Variants in CHEK1 observed in about 807,000 individuals in gnomAD.
CHEK1 encodes the protein checkpoint kinase 1.
In CHEK1, 32 loss-of-function variants were observed where a neutral mutation model predicts 60.2. The ratio of observed to expected loss-of-function variants is 0.53; its 90% confidence interval spans 0.40 to 0.71. The LOEUF (loss-of-function observed/expected upper bound fraction) is 0.71, where lower values mean the gene tolerates loss of function less well. Among genes scored for constraint, CHEK1 ranks in the 30% least tolerant of loss-of-function variants. CHEK1 has a pLI of 0.00. For missense variants in CHEK1, 399 were observed against 564.6 expected (o/e 0.71, Z 2.97); for synonymous variants, 179 against 187.2 (o/e 0.96, Z 0.36).
intron 11 of CHEK1, 149 bp downstream of exon 11, chr11:125,644,792 T>G: frequency 1.2e-6 from 1 of 850,700 alleles, no homozygotes; most frequent in South Asian, 1.9e-5. Context: ...GCGGATCACC[T>G]GAGGTCAGGG....
At chr11:125,662,820 G>A (rs965177696) in intron 13 of CHEK1, among the ~76,000 whole-genome samples, 1 of 152,148 alleles carries the variant, frequency 6.6e-6, no homozygotes, top group Non-Finnish European at 1.5e-5. Context: ...CAGAATGGCT[G>A]TACCATTTTA....
chr11:125,634,147 A>G (rs1335650741), intron 6 of CHEK1, among the ~76,000 whole-genome samples: 5 of 151,896 alleles, frequency 3.3e-5, no homozygotes, highest in Admixed American at 1.3e-4. Flanking sequence ...GGCATGCATC[A>G]TCACACCCGG....
At chr11:125,632,612 A>G (rs1238582191) in intron 5 of CHEK1, among the ~76,000 whole-genome samples, 1 of 152,082 alleles carries the variant, frequency 6.6e-6, no homozygotes, top group Non-Finnish European at 1.5e-5. Flanking sequence ...TTAGGGTGGA[A>G]GTTGGGTCTT....
chr11:125,626,242 A>G (rs763955170), intron 1 of CHEK1: 11 of 573,748 alleles, frequency 1.9e-5, no homozygotes, highest in Non-Finnish European at 2.2e-5. Flanking sequence ...AACCCCAAGG[A>G]AGAGTCCCAG....
At chr11:125,650,913 T>A (rs1191248379) in intron 11 of CHEK1, among the ~76,000 whole-genome samples, 1 of 152,182 alleles carries the variant, frequency 6.6e-6, no homozygotes, top group Non-Finnish European at 1.5e-5. Flanking sequence ...CCTGCAATAC[T>A]CAACCAAGAA....
intron 13 of CHEK1, chr11:125,671,976 A>AAT (rs1942214327): frequency 6.6e-6 from 1 of 152,284 alleles, no homozygotes; most frequent in Admixed American, 6.5e-5. Context: ...GAACTGCTGC[A>AAT]ATATATAGCA....
At chr11:125,679,240 TAG>T (rs1161621586), downstream of CHEK1, among the ~76,000 whole-genome samples, 1 of 130,706 alleles carries the variant, frequency 7.7e-6, no homozygotes, top group African/African-American at 2.7e-5. Flanking sequence ...GTTTCAAAGA[TAG>T]AGTCTCGCTC....
chr11:125,664,389 AC>A, intron 13 of CHEK1, among the ~76,000 whole-genome samples: 1 of 151,994 alleles, frequency 6.6e-6, no homozygotes, highest in South Asian at 2.1e-4. Context: ...ACCCGCCACT[AC>A]GCCTGGCTAA....
At chr11:125,649,422 C>A (rs1054607425) in intron 11 of CHEK1, among the ~76,000 whole-genome samples, 2 of 151,416 alleles carry the variant, frequency 1.3e-5, no homozygotes, top group African/African-American at 4.9e-5. Context: ...CTATTTGTGT[C>A]TTTGAATCTA....
In CHEK1 at chr11:125,644,166, A is replaced by G; in HGVS notation, c.999A>G (p.Ser333=). 1.2e-6 allele frequency: 2 copies of G among 1,614,164 alleles called. No homozygotes were observed. The highest frequency in any genetic ancestry group is 1.7e-6 in the Non-Finnish European group (2 of 1,180,012). ...TTTCCTTATGGGATACCAGCCCCTC[A>G]TACATTGATAAATTGGTACAAGGGA... ...TGLSLWDTSP[S]YIDKLVQGIS... Residue 333 remains serine, a synonymous_variant, in exon 10 of 13, where the codon TCA becomes TCG. Transcript: ENST00000438015.
At chr11:125,642,124 C>T (rs1013722268) in intron 8 of CHEK1, among the ~76,000 whole-genome samples, 1 of 152,140 alleles carries the variant, frequency 6.6e-6, no homozygotes, top group Non-Finnish European at 1.5e-5. Flanking sequence ...TGCTTTTTCC[C>T]ATGGGACTTA....
At chr11:125,644,466 T>G in intron 10 of CHEK1, 46 bp from the exon 11 acceptor site, 1 of 1,599,042 alleles carries the variant, frequency 6.3e-7, no homozygotes, top group Non-Finnish European at 8.5e-7. Context: ...TATTACTGTC[T>G]TTAGTCCTAA....
intron 2 of CHEK1, 126 bp downstream of exon 2, chr11:125,626,959 C>A: frequency 2.0e-6 from 2 of 981,170 alleles, no homozygotes; most frequent in Non-Finnish European, 3.0e-6. Context: ...GTTACACAGC[C>A]TTTTGCTAGG....
At chr11:125,628,769 A>G (rs759809349) in intron 3 of CHEK1, among the ~76,000 whole-genome samples, 35 of 152,190 alleles carry the variant, frequency 2.3e-4, no homozygotes, top group Non-Finnish European at 4.7e-4. Flanking sequence ...GTGAAAGAAC[A>G]AGACCGTATC....
intron 13 of CHEK1, among the ~76,000 whole-genome samples, chr11:125,675,393 T>C (rs989441435): frequency 2.0e-5 from 3 of 152,250 alleles, no homozygotes; most frequent in Non-Finnish European, 2.9e-5. Context: ...ACACAGTTTA[T>C]ATTTGAGTCA....
downstream of CHEK1, among the ~76,000 whole-genome samples, chr11:125,658,685 C>CTTTTTTTTTTTTTTTTTT (rs67342073): frequency 5.7e-5 from 2 of 34,880 alleles, 1 homozygote; most frequent in African/African-American, 2.2e-4. Flanking sequence ...ATGGCTTTTG[C>CTTTTTTTTTTTTTTTTTT]TTTTTTTTTT....
chr11:125,679,282 A>G (rs1242437980), downstream of CHEK1, among the ~76,000 whole-genome samples: 2 of 145,722 alleles, frequency 1.4e-5, no homozygotes, highest in African/African-American at 5.1e-5. Context: ...CAGTGGCACA[A>G]TCTTGGCTCA....
chr11:125,632,187 T>A (rs567639403), intron 5 of CHEK1, among the ~76,000 whole-genome samples: 1 of 152,334 alleles, frequency 6.6e-6, no homozygotes, highest in Admixed American at 6.5e-5. Flanking sequence ...TTGTTGATTG[T>A]TTTCAAAACC....
At chr11:125,657,450 A>T (rs1275850061), downstream of CHEK1, among the ~76,000 whole-genome samples, 1 of 152,200 alleles carries the variant, frequency 6.6e-6, no homozygotes, top group African/African-American at 2.4e-5. Flanking sequence ...GCAGTCTCCC[A>T]ATCACAACCC....
Sources: gnomAD v4.1 joint callset for allele counts (sites outside exome capture counted in the v4.1 genomes callset) on GRCh38, gnomAD v4.1.1 for gene constraint, MANE v1.5 for transcripts, NCBI Gene and HGNC (gene_info 2026-07-23, HGNC 2026-07-21) for gene names.